The following DLGAP1 variants were observed in gnomAD, a reference collection of about 807,000 sequenced individuals.
DLGAP1 encodes the protein DLG associated protein 1, also known as disks large-associated protein 1.
DLGAP1 carries 11 observed loss-of-function variants against 90.8 expected under a neutral mutation model. That is an observed-to-expected ratio of 0.12 (90% CI 0.08 to 0.20). The LOEUF (loss-of-function observed/expected upper bound fraction) is 0.20, where lower values mean the gene tolerates loss of function less well. Ranked by LOEUF, DLGAP1 falls within the 10% of genes least tolerant of loss-of-function variation. DLGAP1 has a pLI of 1.00. For missense variants in DLGAP1, 1,050 were observed against 1,333.8 expected (o/e 0.79, Z 3.31); for synonymous variants, 558 against 540.7 (o/e 1.03, Z -0.44).
intron 3 of DLGAP1, among the ~76,000 whole-genome samples, chr18:3,969,498 A>G (rs533390518): frequency 5.9e-5 from 9 of 152,290 alleles, no homozygotes; most frequent in African/African-American, 2.2e-4. Context: ...CTTGTTCTCG[A>G]AACAAAATAG....
At chr18:4,125,995 G>C (rs1316421644) in intron 2 of DLGAP1, among the ~76,000 whole-genome samples, 1 of 152,180 alleles carries the variant, frequency 6.6e-6, no homozygotes, top group Non-Finnish European at 1.5e-5. Context: ...GAGCAAGGCA[G>C]TTTTCTGACC....
intron 9 of DLGAP1, among the ~76,000 whole-genome samples, chr18:3,562,902 C>T (rs988304968): frequency 4.6e-5 from 7 of 152,112 alleles, no homozygotes; most frequent in African/African-American, 1.4e-4. Flanking sequence ...GATCTCAGCT[C>T]GCTATAACCT....
At chr18:3,824,970 C>G (rs1325561145) in intron 4 of DLGAP1, among the ~76,000 whole-genome samples, 1 of 152,148 alleles carries the variant, frequency 6.6e-6, no homozygotes, top group Non-Finnish European at 1.5e-5. Context: ...CAAAATTCCA[C>G]TTTCATAATC....
intron 1 of DLGAP1, among the ~76,000 whole-genome samples, chr18:4,298,121 T>G (rs2080029757): frequency 6.6e-6 from 1 of 152,158 alleles, no homozygotes; most frequent in Non-Finnish European, 1.5e-5. Flanking sequence ...ATTGGCTCCA[T>G]GACCCTCACC....
At chr18:3,664,183 TACACACACACACAC>T (rs35653599) in intron 7 of DLGAP1, among the ~76,000 whole-genome samples, 2 of 135,660 alleles carry the variant, frequency 1.5e-5, no homozygotes, top group East Asian at 2.1e-4. Context: ...TGGGTCAGTA[TACACACACACACAC>T]ACACACACAC....
intron 10 of DLGAP1, among the ~76,000 whole-genome samples, chr18:3,533,480 T>C (rs1471142376): frequency 6.6e-6 from 1 of 152,218 alleles, no homozygotes; most frequent in African/African-American, 2.4e-5. Context: ...ATAAGCCTTG[T>C]TTTAATGCTG....
intron 2 of DLGAP1, among the ~76,000 whole-genome samples, chr18:4,015,761 G>T (rs7241709): frequency 0.6 from 91,814 of 151,928 alleles, 28,958 homozygotes; most frequent in African/African-American, 0.79. Context: ...TCTTTGCTTC[G>T]GCTTTTAGGA....
chr18:4,412,666 C>T (rs2082805118), intron 1 of DLGAP1, among the ~76,000 whole-genome samples: 2 of 152,128 alleles, frequency 1.3e-5, no homozygotes, highest in African/African-American at 2.4e-5. Flanking sequence ...TTAAAAAGGA[C>T]ACCAGAAGAC....
At chr18:3,557,953 C>G (rs2053855063) in intron 9 of DLGAP1, among the ~76,000 whole-genome samples, 2 of 151,988 alleles carry the variant, frequency 1.3e-5, no homozygotes, top group Non-Finnish European at 2.9e-5. Context: ...TGGTTAAGAT[C>G]TGTTTTATGA....
At chr18:4,048,232 T>C (rs1429818555) in intron 2 of DLGAP1, among the ~76,000 whole-genome samples, 1 of 152,192 alleles carries the variant, frequency 6.6e-6, no homozygotes, top group Non-Finnish European at 1.5e-5. Flanking sequence ...TATAAAAACA[T>C]TTTTTCAGCC....
At chr18:4,180,897 A>G (rs1458351698) in intron 1 of DLGAP1, among the ~76,000 whole-genome samples, 1 of 152,214 alleles carries the variant, frequency 6.6e-6, no homozygotes, top group Non-Finnish European at 1.5e-5. Context: ...AAGGGTGTCC[A>G]GTGAAGTCTA....
intron 5 of DLGAP1, among the ~76,000 whole-genome samples, chr18:3,752,936 A>G (rs186127663): frequency 3.8e-4 from 58 of 152,252 alleles, no homozygotes; most frequent in African/African-American, 1.3e-3. Context: ...CAGTTGATGG[A>G]CAGTTGGCTT....
rs1309817532 is a variant in DLGAP1, at chr18:4,331,163, CT to C, written c.-267+123842del. On this transcript the variant is annotated intron_variant, in intron 1 of 12. Coordinates refer to ENST00000315677, the MANE Select transcript of DLGAP1 (RefSeq NM_004746.4). ...ACATTAACAAAGCCATCCTAGCTCTCTTTTGATTACTGCTTGTGTGGCACAC... is the reference window on the plus strand; with the variant it reads ...ACATTAACAAAGCCATCCTAGCTCTCTTTGATTACTGCTTGTGTGGCACAC... Among the ~76,000 whole-genome samples the C allele has an allele frequency of 5.9e-5, 9 of 151,886 alleles. 1 individual carries two copies. Among genetic ancestry groups the C allele is most frequent in the African/African-American group, 1.7e-4 (7 of 41,170 alleles).
intron 7 of DLGAP1, among the ~76,000 whole-genome samples, chr18:3,646,409 G>C (rs73383027): frequency 2.0e-5 from 3 of 151,688 alleles, no homozygotes; most frequent in African/African-American, 7.3e-5. Context: ...GAAAAAGATA[G>C]GAAAAGAAAA....
intron 1 of DLGAP1, among the ~76,000 whole-genome samples, chr18:4,314,366 C>G (rs1009484484): frequency 6.6e-6 from 1 of 152,028 alleles, no homozygotes; most frequent in African/African-American, 2.4e-5. Context: ...TTATGAACCT[C>G]TGTAATTTCT....
intron 7 of DLGAP1, among the ~76,000 whole-genome samples, chr18:3,689,400 C>A (rs1303680429): frequency 6.6e-6 from 1 of 152,200 alleles, no homozygotes; most frequent in Non-Finnish European, 1.5e-5. Context: ...CCCCATCATC[C>A]AGGGTCAGGT....
chr18:3,848,127 C>CAAAAAAAAAAAAAAA (rs3862177), intron 4 of DLGAP1, among the ~76,000 whole-genome samples: 20 of 32,076 alleles, frequency 6.2e-4, no homozygotes, highest in African/African-American at 8.6e-4. Context: ...GGCCCCGTCT[C>CAAAAAAAAAAAAAAA]AAAAAAAAAA....
intron 1 of DLGAP1, among the ~76,000 whole-genome samples, chr18:4,297,924 C>T (rs147954844): frequency 6.6e-6 from 1 of 152,194 alleles, no homozygotes; most frequent in East Asian, 1.9e-4. Context: ...TTAACAGCAT[C>T]GCCATGAAAG....
chr18:3,835,232 A>C (rs1671473196), intron 4 of DLGAP1, among the ~76,000 whole-genome samples: 1 of 152,112 alleles, frequency 6.6e-6, no homozygotes, highest in Non-Finnish European at 1.5e-5. Context: ...AATAGATGAG[A>C]TGACATTTGT....
Sources: gnomAD v4.1 joint callset for allele counts (sites outside exome capture counted in the v4.1 genomes callset) on GRCh38, gnomAD v4.1.1 for gene constraint, MANE v1.5 for transcripts, NCBI Gene and HGNC (gene_info 2026-07-23, HGNC 2026-07-21) for gene names.